Variants in SESN1 observed in about 807,000 individuals in gnomAD.
The protein encoded by SESN1 is sestrin-1.
In SESN1, 30 loss-of-function variants were observed where a neutral mutation model predicts 59.3. The observed-to-expected ratio is 0.51, with a 90% CI of 0.38 to 0.69. The LOEUF is 0.69. SESN1 is among the 30% of genes least tolerant of loss of function. SESN1 has a pLI of 0.00. For synonymous variants in SESN1, 197 were observed against 219.9 expected (o/e 0.90, Z 0.92); for missense variants, 566 against 673.0 (o/e 0.84, Z 1.76).
At chr6:109,045,072 C>A (rs1413363469) in intron 1 of SESN1, among the ~76,000 whole-genome samples, 1 of 151,916 alleles carries the variant, frequency 6.6e-6, no homozygotes, top group Non-Finnish European at 1.5e-5. Flanking sequence ...CATTGCACTA[C>A]GCTACCACCT....
intron 1 of SESN1, among the ~76,000 whole-genome samples, chr6:109,028,339 T>C (rs909827252): frequency 1.3e-5 from 2 of 152,194 alleles, no homozygotes; most frequent in Non-Finnish European, 2.9e-5. Context: ...TTAAACATTC[T>C]ACAGTACAGA....
At chr6:109,038,722 T>G (rs1053217038) in intron 1 of SESN1, among the ~76,000 whole-genome samples, 1 of 152,206 alleles carries the variant, frequency 6.6e-6, no homozygotes, top group Non-Finnish European at 1.5e-5. Context: ...CTTAAGAAAT[T>G]TTTAATAAGC....
intron 1 of SESN1, among the ~76,000 whole-genome samples, chr6:109,004,963 G>GA (rs1439895220): frequency 1.3e-5 from 2 of 152,040 alleles, no homozygotes; most frequent in Non-Finnish European, 2.9e-5. Flanking sequence ...TGAAGTATGA[G>GA]AAAAAAGAGT....
rs1199634886 is a variant in SESN1, at chr6:108,984,541, C to T, written c.*3003G>A. Among the ~76,000 whole-genome samples the T allele has an allele frequency of 1.3e-5, 2 of 152,134 alleles. No individual in the cohort carries two copies. Among genetic ancestry groups the T allele is most frequent in the African/African-American group, 4.8e-5 (2 of 41,432 alleles). ...TCCCAAAGGCCTACTTTTTTAATAT[C>T]ACCACATTGAGGATTACATTTCAGC... On this transcript the variant is annotated 3_prime_UTR_variant, in exon 10 of 10. Coordinates refer to ENST00000436639, the MANE Select transcript of SESN1 (RefSeq NM_014454.3).
At chr6:109,039,035 AAG>A (rs765981251) in intron 1 of SESN1, among the ~76,000 whole-genome samples, 13 of 123,282 alleles carry the variant, frequency 1.1e-4, no homozygotes, top group Admixed American at 2.3e-4. Context: ...AAGAGAAAGA[AAG>A]AAGAAGGAGG....
intron 1 of SESN1, among the ~76,000 whole-genome samples, chr6:109,065,470 T>TGA (rs1413899546): frequency 6.6e-6 from 1 of 152,172 alleles, no homozygotes; most frequent in Non-Finnish European, 1.5e-5. Context: ...AAAAATCACC[T>TGA]GATTGTCCCT....
chr6:109,089,455 T>C (rs1781272409), intron 1 of SESN1, among the ~76,000 whole-genome samples: 1 of 152,206 alleles, frequency 6.6e-6, no homozygotes, highest in South Asian at 2.1e-4. Context: ...TCTACAGCTA[T>C]GTGGAGGATA....
chr6:109,035,269 T>C (rs1780233018), intron 1 of SESN1, among the ~76,000 whole-genome samples: 2 of 152,180 alleles, frequency 1.3e-5, no homozygotes, highest in African/African-American at 4.8e-5. Flanking sequence ...GCTGAGCATC[T>C]AGTGTGTGTT....
At chr6:109,062,765 T>A (rs953300153) in intron 1 of SESN1, among the ~76,000 whole-genome samples, 3 of 152,074 alleles carry the variant, frequency 2.0e-5, no homozygotes, top group African/African-American at 7.3e-5. Flanking sequence ...TATACATACA[T>A]AGCTATGATA....
intron 1 of SESN1, among the ~76,000 whole-genome samples, chr6:109,040,353 T>C (rs1780318482): frequency 6.6e-6 from 1 of 152,194 alleles, no homozygotes; most frequent in Non-Finnish European, 1.5e-5. Context: ...GGGGGAGTAA[T>C]AATAAATTAC....
intron 1 of SESN1, among the ~76,000 whole-genome samples, chr6:109,062,465 C>T (rs1780748916): frequency 6.6e-6 from 1 of 152,198 alleles, no homozygotes; most frequent in Admixed American, 6.5e-5. Flanking sequence ...ATTTGGCTTA[C>T]TCCTGTTGAC....
chr6:109,057,039 TG>T (rs1397094575), intron 1 of SESN1, among the ~76,000 whole-genome samples: 1 of 152,154 alleles, frequency 6.6e-6, no homozygotes, highest in Non-Finnish European at 1.5e-5. Flanking sequence ...GAGATCCCTA[TG>T]GTAAGGAACT....
intron 1 of SESN1, chr6:109,009,558 G>GGGGCGGGGCGGCGC: frequency 8.9e-7 from 1 of 1,126,566 alleles, no homozygotes; most frequent in Non-Finnish European, 1.1e-6. Flanking sequence ...CGGACGGCGG[G>GGGGCGGGGCGGCGC]GGGGCGGGGC....
At chr6:109,002,437 G>T in intron 1 of SESN1, 94 bp from the exon 2 acceptor site, 2 of 930,616 alleles carry the variant, frequency 2.1e-6, no homozygotes, top group Non-Finnish European at 1.7e-6. Flanking sequence ...CAGTCGAACA[G>T]AGACAGGCTT....
At chr6:109,039,598 A>G (rs984772624) in intron 1 of SESN1, among the ~76,000 whole-genome samples, 5 of 152,240 alleles carry the variant, frequency 3.3e-5, no homozygotes, top group Non-Finnish European at 7.3e-5. Context: ...AAACATCTCA[A>G]GTGGAGGGGT....
At chr6:109,026,044 AAG>A (rs989245916) in intron 1 of SESN1, among the ~76,000 whole-genome samples, 3 of 152,172 alleles carry the variant, frequency 2.0e-5, no homozygotes, top group African/African-American at 7.2e-5. Flanking sequence ...ATTTCAAGGA[AAG>A]AGATCTTAAA....
At chr6:109,071,931 T>C (rs1780942338) in intron 1 of SESN1, among the ~76,000 whole-genome samples, 1 of 152,212 alleles carries the variant, frequency 6.6e-6, no homozygotes, top group Non-Finnish European at 1.5e-5. Context: ...CACAATCTCT[T>C]TGAAAATCTG....
chr6:109,072,372 C>T (rs1250554421), intron 1 of SESN1, among the ~76,000 whole-genome samples: 1 of 152,080 alleles, frequency 6.6e-6, no homozygotes, highest in Non-Finnish European at 1.5e-5. Context: ...TAGTTTACAA[C>T]AAGTATGTTG....
rs145257803 is a variant in SESN1, at chr6:109,011,965, G to A, written c.280-9622C>T. 3.8e-4 allele frequency among the ~76,000 whole-genome samples: 58 copies of A among 152,272 alleles called. 1 individual carries two copies. Among genetic ancestry groups the A allele is most frequent in the African/African-American group, 1.3e-3 (56 of 41,544 alleles). On this transcript the variant is annotated intron_variant, in intron 1 of 9. Coordinates refer to ENST00000436639, the MANE Select transcript of SESN1 (RefSeq NM_014454.3). ...TTAATTAACCTGCATCTATCATTGT[G>A]CAGATTTAACTTTTGAAATGTTTTG...
Sources: gnomAD v4.1 joint callset for allele counts (sites outside exome capture counted in the v4.1 genomes callset) on GRCh38, gnomAD v4.1.1 for gene constraint, MANE v1.5 for transcripts, NCBI Gene and HGNC (gene_info 2026-07-23, HGNC 2026-07-21) for gene names.